TRIM37: variants seen among roughly 807,000 people sequenced by gnomAD.
TRIM37 encodes tripartite motif containing 37, also known as E3 ubiquitin-protein ligase TRIM37.
A neutral mutation model predicts 129.8 loss-of-function variants in TRIM37; 80 were observed. That is an observed-to-expected ratio of 0.62 (90% CI 0.51 to 0.74). TRIM37 has a LOEUF of 0.74. TRIM37 is among the 30% of genes least tolerant of loss of function. TRIM37 has a pLI of 0.00. For synonymous variants in TRIM37, 389 were observed against 387.1 expected, an observed-to-expected ratio of 1.00 and a Z score of -0.06; for missense variants, 1,054 against 1,176.5, an observed-to-expected ratio of 0.90 and a Z score of 1.52.
At chr17:59,083,540 C>T (rs1349625778) in intron 5 of TRIM37, among the ~76,000 whole-genome samples, 1 of 151,740 alleles carries the variant, frequency 6.6e-6, no homozygotes, top group East Asian at 1.9e-4. Context: ...TAATGGTAGA[C>T]TGTCTTTAAA....
chr17:59,058,368 C>T (rs2041165480), intron 12 of TRIM37, among the ~76,000 whole-genome samples: 1 of 152,040 alleles, frequency 6.6e-6, no homozygotes, highest in African/African-American at 2.4e-5. Context: ...ACAACAGACA[C>T]TGGGGTATGC....
chr17:58,998,225 C>T lies in TRIM37; in HGVS notation c.*1152G>A. 1.0e-6 allele frequency: 1 copy of T among 985,324 alleles called. No individual in the cohort carries two copies. Among genetic ancestry groups the T allele is most frequent in the South Asian group, 4.7e-5 (1 of 21,288 alleles). The allele number at this position is 985,324 out of a possible 1,614,324, so 61.0% of individuals were successfully genotyped here. A position where few individuals can be genotyped will look rare whatever the true frequency, so the allele number is the denominator to read the frequency against. On this transcript the variant is annotated 3_prime_UTR_variant, in exon 24 of 24. Transcript: ENST00000262294. ...TATTTTCTCAAGTTGATTTTATTAACAAAAAGTGCAAACTATTTTGAACAA... is the reference window on the plus strand; with the variant it reads ...TATTTTCTCAAGTTGATTTTATTAATAAAAAGTGCAAACTATTTTGAACAA...
At chr17:59,055,332 CAAAAAA>C (rs34519741) in intron 13 of TRIM37, among the ~76,000 whole-genome samples, 2 of 65,648 alleles carry the variant, frequency 3.0e-5, no homozygotes, top group African/African-American at 6.2e-5. Flanking sequence ...AACTCTGTCT[CAAAAAA>C]AAAAAAAAAA....
chr17:58,998,483 G>C lies in TRIM37; in HGVS notation c.*894C>G. The C allele has an allele frequency of 1.0e-6, 1 of 985,386 alleles. No homozygotes were observed. The highest frequency in any genetic ancestry group is 1.2e-6 in the Non-Finnish European group (1 of 829,924). 61.0% of individuals were successfully genotyped at this position (985,386 alleles called of 1,614,324 possible). A position where few individuals can be genotyped will look rare whatever the true frequency, so the allele number is the denominator to read the frequency against. On this transcript the variant is annotated 3_prime_UTR_variant, in exon 24 of 24. Transcript: ENST00000262294. ...TTGGCAACTGTTTTGGGCTAATTATGAGTATGAAAGAAAACCTTATATCAC... is the reference window on the plus strand; with the variant it reads ...TTGGCAACTGTTTTGGGCTAATTATCAGTATGAAAGAAAACCTTATATCAC...
chr17:59,030,820 A>G (rs1394236549), intron 18 of TRIM37, among the ~76,000 whole-genome samples: 4 of 152,210 alleles, frequency 2.6e-5, no homozygotes, highest in African/African-American at 7.2e-5. Context: ...GGATATAGAT[A>G]TTTTTAAACT....
At chr17:59,001,085 C>T (rs1309326595) in intron 23 of TRIM37, among the ~76,000 whole-genome samples, 2 of 151,386 alleles carry the variant, frequency 1.3e-5, no homozygotes, top group African/African-American at 4.9e-5. Flanking sequence ...ATCCCAGCTA[C>T]TCAGGAGGCT....
chr17:58,991,341 G>A (rs907004670), intron 24 of TRIM37, among the ~76,000 whole-genome samples: 8 of 151,934 alleles, frequency 5.3e-5, no homozygotes, highest in Admixed American at 5.3e-4. Context: ...TTTGAGACCA[G>A]CCTGGCCAAC....
chr17:59,025,432 T>C (rs1442343922), intron 19 of TRIM37, among the ~76,000 whole-genome samples: 1 of 151,560 alleles, frequency 6.6e-6, no homozygotes, highest in Non-Finnish European at 1.5e-5. Context: ...TTAATTATAT[T>C]ATTAATATTC....
intron 17 of TRIM37, among the ~76,000 whole-genome samples, chr17:59,032,474 G>A (rs913384971): frequency 1.1e-4 from 16 of 144,680 alleles, no homozygotes; most frequent in African/African-American, 3.0e-4. Flanking sequence ...GCAGTGAGCC[G>A]AGATTGCGCC....
chr17:59,028,311 A>G (rs1421936589), intron 19 of TRIM37, 104 bp downstream of exon 19: 1 of 1,093,162 alleles, frequency 9.1e-7, no homozygotes, highest in Non-Finnish European at 1.3e-6. Context: ...TGTAGTCTTA[A>G]CTCACTGGAA....
chr17:59,018,225 A>G (rs968503809), intron 19 of TRIM37, among the ~76,000 whole-genome samples: 1 of 152,232 alleles, frequency 6.6e-6, no homozygotes, highest in African/African-American at 2.4e-5. Context: ...AGCTAGGAAG[A>G]CAATAAAAAT....
At chr17:59,074,488 T>C (rs1439115328) in intron 8 of TRIM37, among the ~76,000 whole-genome samples, 5 of 152,218 alleles carry the variant, frequency 3.3e-5, no homozygotes, top group African/African-American at 1.2e-4. Flanking sequence ...TGCTGAATCC[T>C]ACAAGCCAAA....
intron 18 of TRIM37, 87 bp downstream of exon 18, chr17:59,031,809 C>A: frequency 7.4e-7 from 1 of 1,342,492 alleles, no homozygotes; most frequent in Non-Finnish European, 1.1e-6. Context: ...CCATGTTCCA[C>A]ACATAGCTGA....
chr17:59,040,973 G>A (rs1007165395), intron 17 of TRIM37, among the ~76,000 whole-genome samples: 1 of 151,848 alleles, frequency 6.6e-6, no homozygotes, highest in Non-Finnish European at 1.5e-5. Context: ...GTGAACCCGG[G>A]AAGCGGAGCT....
At chr17:59,082,380 C>G (rs1239543479) in intron 5 of TRIM37, among the ~76,000 whole-genome samples, 1 of 152,196 alleles carries the variant, frequency 6.6e-6, no homozygotes, top group African/African-American at 2.4e-5. Context: ...TTTACAGGAT[C>G]AGCTGCTATA....
chr17:59,052,648 T>G (rs1678412529), intron 13 of TRIM37, among the ~76,000 whole-genome samples: 1 of 151,646 alleles, frequency 6.6e-6, no homozygotes. Context: ...AATGAGAACT[T>G]GAGTATTAAA....
chr17:58,998,177 C>T, downstream of TRIM37: 2 of 981,732 alleles, frequency 2.0e-6, no homozygotes, highest in Non-Finnish European at 2.4e-6. Context: ...TTTCTGGTCC[C>T]AATTTAATAA....
At chr17:59,064,699 G>A (rs373672705) in intron 9 of TRIM37, among the ~76,000 whole-genome samples, 3 of 152,180 alleles carry the variant, frequency 2.0e-5, no homozygotes, top group East Asian at 1.9e-4. Flanking sequence ...ATCTGAGGTC[G>A]GGAGCTCAAG....
At chr17:59,081,903 C>T (rs1410302928) in intron 5 of TRIM37, among the ~76,000 whole-genome samples, 3 of 133,520 alleles carry the variant, frequency 2.2e-5, no homozygotes, top group Non-Finnish European at 4.7e-5. Flanking sequence ...ACTCTGTCCC[C>T]CCCAAAAAAT....
Sources: gnomAD v4.1 joint callset for allele counts (sites outside exome capture counted in the v4.1 genomes callset) on GRCh38, gnomAD v4.1.1 for gene constraint, MANE v1.5 for transcripts, NCBI Gene and HGNC (gene_info 2026-07-23, HGNC 2026-07-21) for gene names.